Variants in DIP2C observed in about 807,000 individuals in gnomAD.
The protein encoded by DIP2C is DIP2 acetate--CoA ligase C (putative).
DIP2C carries 33 observed loss-of-function variants against 192.4 expected under a neutral mutation model. The ratio of observed to expected loss-of-function variants is 0.17; its 90% confidence interval spans 0.13 to 0.23. The LOEUF (loss-of-function observed/expected upper bound fraction) is 0.23, where lower values mean the gene tolerates loss of function less well. DIP2C is among the 10% of genes least tolerant of loss of function. The pLI is 1.00. For synonymous variants in DIP2C, 979 were observed against 864.1 expected, an observed-to-expected ratio of 1.13 and a Z score of -2.33; for missense variants, 1,537 against 2,110.1, an observed-to-expected ratio of 0.73 and a Z score of 5.32.
intron 10 of DIP2C, among the ~76,000 whole-genome samples, chr10:396,023 C>T (rs532552288): frequency 2.0e-5 from 3 of 152,090 alleles, no homozygotes; most frequent in Non-Finnish European, 4.4e-5. Flanking sequence ...TACTCGGGTA[C>T]AAGGGGCTCT....
chr10:378,470 CAA>C (rs1215008545), intron 17 of DIP2C, among the ~76,000 whole-genome samples: 9 of 152,164 alleles, frequency 5.9e-5, no homozygotes, highest in South Asian at 2.1e-4. Context: ...CATGCCTAGA[CAA>C]AGACATGCAT....
chr10:660,917 T>C (rs1301319560), intron 1 of DIP2C, among the ~76,000 whole-genome samples: 3 of 152,082 alleles, frequency 2.0e-5, no homozygotes, highest in Non-Finnish European at 4.4e-5. Flanking sequence ...ATCACAAAAA[T>C]ACAGAGCTCC....
At chr10:401,788 GT>G (rs1286076947) in intron 9 of DIP2C, among the ~76,000 whole-genome samples, 1 of 150,750 alleles carries the variant, frequency 6.6e-6, no homozygotes, top group African/African-American at 2.5e-5. Flanking sequence ...TTATGGACAA[GT>G]TTGGTACATT....
At chr10:493,549 G>C (rs530477022) in intron 1 of DIP2C, among the ~76,000 whole-genome samples, 9 of 152,260 alleles carry the variant, frequency 5.9e-5, no homozygotes, top group East Asian at 5.8e-4. Context: ...ACCCAGCATG[G>C]CCCGCCGCCT....
At chr10:324,218 T>C (rs896477716) in intron 31 of DIP2C, among the ~76,000 whole-genome samples, 1 of 152,250 alleles carries the variant, frequency 6.6e-6, no homozygotes, top group African/African-American at 2.4e-5. Context: ...TGTTTGATGA[T>C]GGCACAAACT....
At chr10:372,314 A>T (rs960302298) in intron 17 of DIP2C, among the ~76,000 whole-genome samples, 5 of 152,152 alleles carry the variant, frequency 3.3e-5, no homozygotes, top group African/African-American at 1.2e-4. Context: ...ACCTCGAGTG[A>T]TCTGCCCTCC....
chr10:689,133 G>GC lies in DIP2C; in HGVS notation c.85+360dup, dbSNP rs1831445541. Among the ~76,000 whole-genome samples the GC allele has an allele frequency of 6.6e-6, 1 of 151,602 alleles. No individual in the cohort carries two copies. The highest frequency in any genetic ancestry group is 2.4e-5 in the African/African-American group (1 of 41,280). On this transcript the variant is annotated intron_variant, in intron 1 of 36. Coordinates refer to ENST00000280886, the MANE Select transcript of DIP2C (RefSeq NM_014974.3). The surrounding 1 kb of genome is among the most constrained non-coding windows in gnomAD (Gnocchi z 6.1). Reference sequence around the variant, plus strand: ...TCCTGCGTCCCCGCGCGGCGCCCAGGCCCCACAGACACCCCCAGGGCGCGG... The same window carrying GC: ...TCCTGCGTCCCCGCGCGGCGCCCAGGCCCCCACAGACACCCCCAGGGCGCGG...
Position 570,207 on chromosome 10 carries a change from G to A in DIP2C, c.86-83677C>T, listed in dbSNP as rs146269166. 6.1e-3 allele frequency among the ~76,000 whole-genome samples: 923 copies of A among 152,308 alleles called. 12 individuals carry two copies. The highest frequency in any genetic ancestry group is 0.021 in the African/African-American group (870 of 41,556). ...ATTGCCACCATAGCTGTGAGTCTAT[G>A]ACGTGTCAGGAAGGGAAGGAAGACA... On this transcript the variant is annotated intron_variant, in intron 1 of 36. Coordinates refer to ENST00000280886, the MANE Select transcript of DIP2C (RefSeq NM_014974.3).
chr10:572,469 C>G (rs816627), intron 1 of DIP2C, among the ~76,000 whole-genome samples: 1 of 152,064 alleles, frequency 6.6e-6, no homozygotes, highest in African/African-American at 2.4e-5. Flanking sequence ...TGATGACACT[C>G]TCTCAATATT....
intron 32 of DIP2C, among the ~76,000 whole-genome samples, chr10:298,231 C>T (rs1202716394): frequency 6.6e-6 from 1 of 152,170 alleles, no homozygotes; most frequent in East Asian, 1.9e-4. Flanking sequence ...CCCTGTTTTG[C>T]TGACCTTGAC....
intron 2 of DIP2C, among the ~76,000 whole-genome samples, chr10:481,717 G>A (rs1483153341): frequency 3.9e-5 from 6 of 152,196 alleles, no homozygotes; most frequent in South Asian, 2.1e-4. Flanking sequence ...AGGGCTTCAC[G>A]TGGATCTGAG....
chr10:415,945 C>T lies in DIP2C; in HGVS notation c.740-57G>A, dbSNP rs1363198624. ...CGATCATCACAGCTTCAATGAGCAC[C>T]CACAGTCCCACAGTCCCACAGCCCC... On this transcript the variant is annotated intron_variant, in intron 6 of 36. Coordinates refer to ENST00000280886, the MANE Select transcript of DIP2C (RefSeq NM_014974.3). 7.5e-6 allele frequency: 12 copies of T among 1,598,762 alleles called. No individual in the cohort carries two copies. In the African/African-American group the frequency reaches 1.7e-4, roughly 22 times the overall value.
At chr10:548,708 A>G (rs1848434054) in intron 1 of DIP2C, among the ~76,000 whole-genome samples, 1 of 151,954 alleles carries the variant, frequency 6.6e-6, no homozygotes, top group South Asian at 2.1e-4. Context: ...AGGGGTCTCC[A>G]GGCCTCAGAC....
At chr10:576,862 A>C (rs1850193444) in intron 1 of DIP2C, among the ~76,000 whole-genome samples, 2 of 152,074 alleles carry the variant, frequency 1.3e-5, no homozygotes, top group Non-Finnish European at 1.5e-5. Context: ...GTGAACCAAG[A>C]TCGTACTGTT....
intron 1 of DIP2C, among the ~76,000 whole-genome samples, chr10:598,076 C>G (rs1007750730): frequency 1.3e-5 from 2 of 152,214 alleles, no homozygotes; most frequent in Admixed American, 6.5e-5. Flanking sequence ...AGAGTCAGCA[C>G]AAGTCTGCAG....
chr10:543,036 C>G (rs1475583503), intron 1 of DIP2C, among the ~76,000 whole-genome samples: 2 of 152,172 alleles, frequency 1.3e-5, no homozygotes, highest in Admixed American at 6.5e-5. Context: ...ACACCAATAC[C>G]AAAAGTCAGA....
At chr10:544,936 C>A (rs924170270) in intron 1 of DIP2C, among the ~76,000 whole-genome samples, 2 of 152,080 alleles carry the variant, frequency 1.3e-5, no homozygotes, top group Non-Finnish European at 2.9e-5. Flanking sequence ...CCTTCAGTTG[C>A]TTGTTATGCT....
intron 1 of DIP2C, among the ~76,000 whole-genome samples, chr10:688,473 T>C (rs1831411408): frequency 6.6e-6 from 1 of 152,162 alleles, no homozygotes; most frequent in East Asian, 1.9e-4. Flanking sequence ...TGAGTTTACT[T>C]TCTGGCTGCC....
In DIP2C at chr10:423,486, G is replaced by A. The variant is rs572084536; in HGVS notation, c.395-453C>T. ...TGGGCTCTGATTTTTCTACTACATC[G>A]GTGTGTTAGATACCCATGCAGCTGA... On this transcript the variant is annotated intron_variant, in intron 4 of 36. Coordinates refer to ENST00000280886, the MANE Select transcript of DIP2C (RefSeq NM_014974.3). Among the ~76,000 whole-genome samples, 51 of 152,244 alleles carry A rather than the reference G, an allele frequency of 3.3e-4. 1 individual carries two copies. In the Middle Eastern group the frequency reaches 0.01, roughly 30 times the overall value.
Sources: gnomAD v4.1 joint callset for allele counts (sites outside exome capture counted in the v4.1 genomes callset) on GRCh38, gnomAD v4.1.1 for gene constraint, Gnocchi (gnomAD v3.1) non-coding constraint, MANE v1.5 for transcripts, NCBI Gene and HGNC (gene_info 2026-07-23, HGNC 2026-07-21) for gene names.